Variants in CTNNA2 observed in about 807,000 individuals in gnomAD.
The protein encoded by CTNNA2 is catenin alpha 2.
In CTNNA2, 42 loss-of-function variants were observed where a neutral mutation model predicts 101.0. The ratio of observed to expected loss-of-function variants is 0.42; its 90% CI spans 0.32 to 0.54. The LOEUF (loss-of-function observed/expected upper bound fraction) is 0.54, where lower values mean the gene tolerates loss of function less well. CTNNA2 is among the 20% of genes least tolerant of loss of function. The probability of loss-of-function intolerance (pLI) is 0.14; values close to 1 mark genes in which losing one functional copy is unlikely to be tolerated. For missense variants in CTNNA2, 871 were observed against 1,223.1 expected, an observed-to-expected ratio of 0.71 and a Z score of 4.29; for synonymous variants, 450 against 456.4, an observed-to-expected ratio of 0.99 and a Z score of 0.18.
At chr2:80,182,153 A>T (rs554708698) in intron 7 of CTNNA2, among the ~76,000 whole-genome samples, 2 of 152,312 alleles carry the variant, frequency 1.3e-5, no homozygotes, top group South Asian at 4.1e-4. Flanking sequence ...ACAAAACCTC[A>T]AAAGTAGGGA....
At chr2:80,156,325 G>A (rs1243770806) in intron 7 of CTNNA2, among the ~76,000 whole-genome samples, 5 of 152,228 alleles carry the variant, frequency 3.3e-5, no homozygotes, top group Admixed American at 3.3e-4. Context: ...ATCGTTTTAT[G>A]GTTTCTAATA....
intron 3 of CTNNA2, among the ~76,000 whole-genome samples, chr2:79,750,235 C>G (rs1671926312): frequency 6.6e-6 from 1 of 152,048 alleles, no homozygotes; most frequent in East Asian, 1.9e-4. Flanking sequence ...AGACTGAAAA[C>G]TTTTTTTTGA....
chr2:79,945,292 T>A (rs1688421276), intron 7 of CTNNA2, among the ~76,000 whole-genome samples: 1 of 152,164 alleles, frequency 6.6e-6, no homozygotes, highest in Admixed American at 6.6e-5. Flanking sequence ...CCTCCCGCCT[T>A]GACCTCCCAA....
At chr2:80,318,657 T>C (rs984881078) in intron 7 of CTNNA2, among the ~76,000 whole-genome samples, 4 of 152,178 alleles carry the variant, frequency 2.6e-5, no homozygotes, top group African/African-American at 9.7e-5. Flanking sequence ...TTTAACTTAT[T>C]TATGTGGTGG....
chr2:79,771,441 A>T (rs1673571950), intron 3 of CTNNA2, among the ~76,000 whole-genome samples: 1 of 152,172 alleles, frequency 6.6e-6, no homozygotes, highest in African/African-American at 2.4e-5. Context: ...TATTATTATT[A>T]CATTGTAATA....
At chr2:80,388,779 G>A (rs999417682) in intron 7 of CTNNA2, among the ~76,000 whole-genome samples, 1 of 152,196 alleles carries the variant, frequency 6.6e-6, no homozygotes, top group Non-Finnish European at 1.5e-5. Flanking sequence ...TTTCACTTCA[G>A]TTTGTTAAAG....
intron 4 of CTNNA2, among the ~76,000 whole-genome samples, chr2:79,434,727 G>C (rs564777355): frequency 6.6e-6 from 1 of 152,316 alleles, no homozygotes; most frequent in South Asian, 2.1e-4. Context: ...TACCTCTAGT[G>C]AGCACCAGAA....
At chr2:79,991,841 A>G (rs61060238) in intron 7 of CTNNA2, among the ~76,000 whole-genome samples, 2,283 of 152,260 alleles carry the variant, frequency 0.015, 59 homozygotes, top group African/African-American at 0.051. Flanking sequence ...GGAGTGCCAC[A>G]GTCTGCTTGT....
At chr2:79,267,348 T>A (rs956835825) in intron 2 of CTNNA2, among the ~76,000 whole-genome samples, 2 of 151,780 alleles carry the variant, frequency 1.3e-5, no homozygotes, top group Non-Finnish European at 1.5e-5. Context: ...GATGAGGACA[T>A]GCTATCTGGT....
intron 9 of CTNNA2, among the ~76,000 whole-genome samples, chr2:80,497,135 C>A (rs2149526752): frequency 6.6e-6 from 1 of 152,276 alleles, no homozygotes; most frequent in Middle Eastern, 3.4e-3. Context: ...GAGTTTGATT[C>A]ATTAATTTTC....
At chr2:79,775,327 A>G (rs1673880541) in intron 3 of CTNNA2, among the ~76,000 whole-genome samples, 1 of 152,100 alleles carries the variant, frequency 6.6e-6, no homozygotes, top group Non-Finnish European at 1.5e-5. Flanking sequence ...TTTTCCCTTT[A>G]GCAATGCTAC....
At chr2:79,411,026 T>C (rs1305872145) in intron 4 of CTNNA2, among the ~76,000 whole-genome samples, 1 of 152,180 alleles carries the variant, frequency 6.6e-6, no homozygotes, top group Admixed American at 6.6e-5. Flanking sequence ...GGTTTTGTCT[T>C]GGGAGAGTGT....
intron 9 of CTNNA2, among the ~76,000 whole-genome samples, chr2:80,541,805 G>C (rs1183651181): frequency 6.6e-6 from 1 of 151,740 alleles, no homozygotes; most frequent in Non-Finnish European, 1.5e-5. Context: ...AGCTTACACT[G>C]TGCTCCCTGG....
intron 6 of CTNNA2, among the ~76,000 whole-genome samples, chr2:79,896,300 G>A (rs1684711986): frequency 6.6e-6 from 1 of 150,858 alleles, no homozygotes; most frequent in Non-Finnish European, 1.5e-5. Flanking sequence ...AAAAAAAGGA[G>A]AACTAACGTT....
intron 7 of CTNNA2, among the ~76,000 whole-genome samples, chr2:80,209,351 G>A (rs1186366123): frequency 3.3e-5 from 5 of 151,862 alleles, no homozygotes; most frequent in South Asian, 2.1e-4. Flanking sequence ...ACAGGTGCAC[G>A]CCACCACACT....
At chr2:80,077,697 GAATA>G (rs996631621) in intron 7 of CTNNA2, among the ~76,000 whole-genome samples, 4 of 151,788 alleles carry the variant, frequency 2.6e-5, no homozygotes, top group African/African-American at 9.7e-5. Context: ...AGTCTCAAAA[GAATA>G]TATACTGTAT....
intron 18 of CTNNA2, among the ~76,000 whole-genome samples, chr2:80,624,697 T>TG (rs1370366934): frequency 1.3e-5 from 2 of 151,928 alleles, no homozygotes; most frequent in Non-Finnish European, 2.9e-5. Context: ...CGAGGATTGA[T>TG]GGGGAACCCT....
chr2:79,371,438 G>C (rs1197400342), intron 3 of CTNNA2, among the ~76,000 whole-genome samples: 1 of 152,042 alleles, frequency 6.6e-6, no homozygotes, highest in East Asian at 2.0e-4. Flanking sequence ...CCGACATATG[G>C]AAAGTCGGAG....
At chr2:80,448,460 C>T (rs1683236554) in intron 9 of CTNNA2, among the ~76,000 whole-genome samples, 1 of 152,106 alleles carries the variant, frequency 6.6e-6, no homozygotes, top group African/African-American at 2.4e-5. Flanking sequence ...TTCGCCTAGC[C>T]TGTGTGTTTC....
Sources: gnomAD v4.1 joint callset for allele counts (sites outside exome capture counted in the v4.1 genomes callset) on GRCh38, gnomAD v4.1.1 for gene constraint, MANE v1.5 for transcripts, NCBI Gene and HGNC (gene_info 2026-07-23, HGNC 2026-07-21) for gene names.